SLC36A1: variants seen among roughly 807,000 people sequenced by gnomAD.
SLC36A1 encodes the protein proton-coupled amino acid transporter 1.
SLC36A1 carries 30 observed loss-of-function variants against 47.5 expected under a neutral mutation model. The observed-to-expected ratio is 0.63, with a 90% CI of 0.47 to 0.86. The LOEUF (loss-of-function observed/expected upper bound fraction) is 0.86. SLC36A1 is among the 40% of genes least tolerant of loss of function. The pLI is 0.00. For missense variants in SLC36A1, 517 were observed against 606.0 expected, an observed-to-expected ratio of 0.85 and a Z score of 1.54; for synonymous variants, 255 against 249.7, an observed-to-expected ratio of 1.02 and a Z score of -0.20.
At chr5:151,345,814 C>G in the SLC36A1 span, among the ~76,000 whole-genome samples, 1 of 152,344 alleles carries the variant, frequency 6.6e-6, no homozygotes, top group Non-Finnish European at 1.5e-5. Flanking sequence ...GGCTCCAACT[C>G]TAACTCCTTT....
At chr5:151,532,313 G>C in the SLC36A1 span, among the ~76,000 whole-genome samples, 4 of 152,120 alleles carry the variant, frequency 2.6e-5, no homozygotes, top group Non-Finnish European at 5.9e-5. Context: ...GAACAGCTCT[G>C]TATCTTGATT....
the SLC36A1 span, among the ~76,000 whole-genome samples, chr5:151,345,119 C>G: frequency 2.0e-5 from 3 of 152,186 alleles, no homozygotes; most frequent in African/African-American, 7.2e-5. Context: ...TCCAGGGAGG[C>G]ACTCTATTAG....
downstream of SLC36A1, among the ~76,000 whole-genome samples, chr5:151,493,255 C>A (rs1211421987): frequency 6.6e-6 from 1 of 152,078 alleles, no homozygotes; most frequent in African/African-American, 2.4e-5. Flanking sequence ...AGAATTTGTT[C>A]GCACCAGCAA....
chr5:151,368,550 A>C, the SLC36A1 span, among the ~76,000 whole-genome samples: 1 of 152,156 alleles, frequency 6.6e-6, no homozygotes, highest in Admixed American at 6.5e-5. Flanking sequence ...CTTGCATTTT[A>C]TTGACTCCGA....
the SLC36A1 span, chr5:151,540,835 G>T: frequency 7.3e-7 from 1 of 1,371,860 alleles, no homozygotes; most frequent in South Asian, 1.4e-5. Flanking sequence ...ACAGGTGGCT[G>T]CCCATTGGAT....
chr5:151,529,483 G>A, the SLC36A1 span: 11 of 1,040,142 alleles, frequency 1.1e-5, no homozygotes, highest in African/African-American at 1.7e-4. Flanking sequence ...AGGAGAGGCA[G>A]CTCAACAGGG....
At chr5:151,433,055 TACATGGA>T (rs1212460753), upstream of SLC36A1, among the ~76,000 whole-genome samples, 7 of 151,216 alleles carry the variant, frequency 4.6e-5, no homozygotes, top group Non-Finnish European at 1.0e-4. Flanking sequence ...GGCAGTTTGT[TACATGGA>T]GGTAGAAAAT....
intron 2 of SLC36A1, among the ~76,000 whole-genome samples, chr5:151,459,167 A>G (rs1440846805): frequency 6.6e-6 from 1 of 152,132 alleles, no homozygotes; most frequent in Non-Finnish European, 1.5e-5. Context: ...GCTGGTGCCA[A>G]GTGAGAGCTT....
At chr5:151,391,850 G>T in the SLC36A1 span, among the ~76,000 whole-genome samples, 1 of 152,148 alleles carries the variant, frequency 6.6e-6, no homozygotes, top group South Asian at 2.1e-4. Flanking sequence ...CAGGGATATT[G>T]GTCTAAAATT....
At chr5:151,392,461 T>C in the SLC36A1 span, among the ~76,000 whole-genome samples, 5 of 152,330 alleles carry the variant, frequency 3.3e-5, no homozygotes, top group South Asian at 4.1e-4. Context: ...ATGTGTTTGC[T>C]CTTGCTTCTC....
At chr5:151,473,889 G>C in intron 8 of SLC36A1, 118 bp downstream of exon 8, 1 of 828,554 alleles carries the variant, frequency 1.2e-6, no homozygotes, top group Non-Finnish European at 2.0e-6. Flanking sequence ...GCCAGGCATG[G>C]TGGCTCACGC....
chr5:151,391,818 G>C, the SLC36A1 span, among the ~76,000 whole-genome samples: 19,367 of 152,086 alleles, frequency 0.13, 1,687 homozygotes, highest in East Asian at 0.37. Flanking sequence ...ATTTTATTGA[G>C]GATTTTTGCA....
chr5:151,462,794 A>ATTATTT (rs1554111667), intron 2 of SLC36A1, among the ~76,000 whole-genome samples: 1 of 148,774 alleles, frequency 6.7e-6, no homozygotes, highest in African/African-American at 2.5e-5. Flanking sequence ...TATTATTATT[A>ATTATTT]TTTTTTAATT....
upstream of SLC36A1, among the ~76,000 whole-genome samples, chr5:151,433,200 A>G (rs373551652): frequency 7.4e-5 from 9 of 121,652 alleles, no homozygotes; most frequent in African/African-American, 1.8e-4. Flanking sequence ...CCTGCTGAAA[A>G]TAACTAAAAC....
chr5:151,523,807 GAAAT>G, the SLC36A1 span, among the ~76,000 whole-genome samples: 3 of 152,052 alleles, frequency 2.0e-5, no homozygotes, highest in Non-Finnish European at 4.4e-5. Flanking sequence ...AAACAACTGG[GAAAT>G]AATGTGCAAA....
chr5:151,347,362 C>A, the SLC36A1 span: 8 of 1,614,238 alleles, frequency 5.0e-6, no homozygotes, highest in Non-Finnish European at 6.8e-6. Flanking sequence ...ATGTAGAGTC[C>A]TTGTTCTCCA....
chr5:151,527,667 T>C, the SLC36A1 span, among the ~76,000 whole-genome samples: 2 of 152,182 alleles, frequency 1.3e-5, no homozygotes, highest in Admixed American at 6.5e-5. Context: ...TCAAATGGCA[T>C]AAATCCTTAT....
chr5:151,489,883 A>C lies in SLC36A1; in HGVS notation c.*1629A>C, dbSNP rs1759970873. The C allele has an allele frequency of 1.3e-5, 2 of 152,122 alleles. No homozygotes were observed. Among genetic ancestry groups the C allele is most frequent in the African/African-American group, 2.4e-5 (1 of 41,398 alleles). 9.4% of individuals were successfully genotyped at this position (152,122 alleles called of 1,614,324 possible). On this transcript the variant is annotated 3_prime_UTR_variant, in exon 11 of 11. Transcript: ENST00000243389. The surrounding 1 kb of genome is among the most constrained non-coding windows in gnomAD (Gnocchi z 4.5). ...TGTCCCGTCACCAGGCTCTTGCTTCACTGCAGATACAGTTCACTCTGAAAG... is the reference window on the plus strand; with the variant it reads ...TGTCCCGTCACCAGGCTCTTGCTTCCCTGCAGATACAGTTCACTCTGAAAG...
the SLC36A1 span, chr5:151,549,287 C>T: frequency 6.2e-7 from 1 of 1,611,960 alleles, no homozygotes; most frequent in Non-Finnish European, 8.5e-7. Context: ...CATGGCCAGG[C>T]CTCTCACCTT....
Sources: allele counts gnomAD v4.1 joint callset (sites outside exome capture counted in the v4.1 genomes callset), GRCh38; gene constraint gnomAD v4.1.1; non-coding constraint Gnocchi (gnomAD v3.1); transcripts MANE v1.5; gene names NCBI Gene and HGNC (gene_info 2026-07-23, HGNC 2026-07-21).